Variants in CEP112 observed in about 807,000 individuals in gnomAD.
The protein encoded by CEP112 is centrosomal protein 112.
In CEP112, 127 loss-of-function variants were observed where a neutral mutation model predicts 153.0. The observed-to-expected ratio is 0.83, with a 90% CI of 0.72 to 0.96. The LOEUF (loss-of-function observed/expected upper bound fraction) is 0.96. Among genes scored for constraint, CEP112 ranks in the 40% least tolerant of loss-of-function variants. CEP112 has a pLI of 0.00. For synonymous variants in CEP112, 358 were observed against 374.4 expected, an observed-to-expected ratio of 0.96 and a Z score of 0.51; for missense variants, 1,089 against 1,101.2, an observed-to-expected ratio of 0.99 and a Z score of 0.16.
At chr17:66,104,831 AACCTTGAGGGATT>A (rs1297329290) in intron 6 of CEP112, among the ~76,000 whole-genome samples, 6 of 152,184 alleles carry the variant, frequency 3.9e-5, no homozygotes, top group African/African-American at 9.7e-5. Context: ...CAGCAAAAAT[AACCTTGAGGGATT>A]TGATCAACAC....
chr17:65,801,057 TTTTC>T (rs1012374356), intron 21 of CEP112, among the ~76,000 whole-genome samples: 1 of 152,096 alleles, frequency 6.6e-6, no homozygotes, highest in African/African-American at 2.4e-5. Flanking sequence ...GTTGTCTTCA[TTTTC>T]TTTCTTTCTG....
intron 21 of CEP112, among the ~76,000 whole-genome samples, chr17:65,811,693 A>T (rs1242639746): frequency 6.6e-6 from 1 of 152,236 alleles, no homozygotes; most frequent in Admixed American, 6.5e-5. Flanking sequence ...AGTTATAGCC[A>T]TGAAAGTGAA....
chr17:65,956,925 T>C (rs2062022669), intron 18 of CEP112, among the ~76,000 whole-genome samples: 1 of 152,172 alleles, frequency 6.6e-6, no homozygotes, highest in African/African-American at 2.4e-5. Flanking sequence ...ACAAACCCTA[T>C]ATGCACTATG....
chr17:65,840,089 A>T (rs1176420924), intron 21 of CEP112, among the ~76,000 whole-genome samples: 1 of 152,268 alleles, frequency 6.6e-6, no homozygotes, highest in East Asian at 1.9e-4. Context: ...CACACTACCC[A>T]TAACAATCTA....
At chr17:65,842,177 T>C (rs1166775684) in intron 21 of CEP112, among the ~76,000 whole-genome samples, 1 of 152,094 alleles carries the variant, frequency 6.6e-6, no homozygotes, top group Non-Finnish European at 1.5e-5. Context: ...ATGGTTCTAT[T>C]AGAATACTAA....
chr17:65,719,667 A>G (rs549518468), intron 23 of CEP112, among the ~76,000 whole-genome samples: 3 of 152,302 alleles, frequency 2.0e-5, no homozygotes, highest in Admixed American at 6.5e-5. Flanking sequence ...CCAAGATGGG[A>G]CCTGTAGGAA....
At chr17:66,096,210 C>A in intron 8 of CEP112, 41 bp downstream of exon 8, 1 of 1,365,316 alleles carries the variant, frequency 7.3e-7, no homozygotes, top group Non-Finnish European at 1.0e-6. Context: ...AATATTAAAA[C>A]TGTATTATCA....
intron 8 of CEP112, among the ~76,000 whole-genome samples, chr17:66,095,516 G>A (rs1402574951): frequency 6.6e-6 from 1 of 152,138 alleles, no homozygotes; most frequent in Non-Finnish European, 1.5e-5. Context: ...CAGGCGACAA[G>A]GAGTGGAGTT....
At chr17:65,842,846 A>T (rs2057572919) in intron 21 of CEP112, among the ~76,000 whole-genome samples, 1 of 152,176 alleles carries the variant, frequency 6.6e-6, no homozygotes, top group Non-Finnish European at 1.5e-5. Context: ...CAAAGTAACA[A>T]CAAAAGTCTT....
intron 21 of CEP112, among the ~76,000 whole-genome samples, chr17:65,816,485 T>G (rs917153335): frequency 2.0e-5 from 3 of 152,020 alleles, no homozygotes; most frequent in African/African-American, 7.2e-5. Context: ...GTATCATTCT[T>G]ATGCCATCTG....
At chr17:65,862,081 C>A (rs955454281) in intron 20 of CEP112, among the ~76,000 whole-genome samples, 1 of 152,182 alleles carries the variant, frequency 6.6e-6, no homozygotes, top group Non-Finnish European at 1.5e-5. Context: ...AAATGCAAAT[C>A]AGATTACCTA....
intron 19 of CEP112, among the ~76,000 whole-genome samples, chr17:65,920,385 ATATATATATATATATATATAAT>A (rs1257676075): frequency 1.0e-4 from 11 of 107,106 alleles, no homozygotes; most frequent in African/African-American, 3.8e-4. Context: ...ATATATATAT[ATATATATATATATATATATAAT>A]TATAATATAT....
intron 6 of CEP112, among the ~76,000 whole-genome samples, chr17:66,128,467 G>T (rs2069966846): frequency 6.6e-6 from 1 of 152,076 alleles, no homozygotes; most frequent in African/African-American, 2.4e-5. Flanking sequence ...ACCATTATTA[G>T]TAGGAAGTTT....
chr17:66,115,445 G>A (rs1171024022), intron 6 of CEP112, among the ~76,000 whole-genome samples: 1 of 152,134 alleles, frequency 6.6e-6, no homozygotes, highest in South Asian at 2.1e-4. Context: ...TCATCTACTG[G>A]GACAGTGCAT....
chr17:66,164,541 T>C (rs1457870971), intron 4 of CEP112, among the ~76,000 whole-genome samples: 4 of 82,780 alleles, frequency 4.8e-5, no homozygotes, highest in Non-Finnish European at 9.3e-5. Context: ...TGGGCGACAG[T>C]GCGAAACTCT....
intron 12 of CEP112, among the ~76,000 whole-genome samples, chr17:66,043,918 T>G (rs1185355908): frequency 2.0e-5 from 3 of 152,158 alleles, no homozygotes; most frequent in African/African-American, 7.2e-5. Context: ...GTCTTTCATC[T>G]TAAGCCAGGC....
At chr17:66,015,799 G>A (rs1188627346) in intron 16 of CEP112, among the ~76,000 whole-genome samples, 1 of 152,108 alleles carries the variant, frequency 6.6e-6, no homozygotes, top group Non-Finnish European at 1.5e-5. Flanking sequence ...CAGACCTTCT[G>A]AAAAGTTTTC....
chr17:66,057,365 G>C (rs917312660), intron 11 of CEP112, among the ~76,000 whole-genome samples: 7 of 152,196 alleles, frequency 4.6e-5, no homozygotes, highest in African/African-American at 1.4e-4. Context: ...ATCCCATAGA[G>C]AATACCCTAC....
intron 21 of CEP112, among the ~76,000 whole-genome samples, chr17:65,776,740 A>G (rs2053701775): frequency 6.6e-6 from 1 of 151,614 alleles, no homozygotes; most frequent in African/African-American, 2.4e-5. Flanking sequence ...CAGAAAGTGA[A>G]ATGACTAAGT....
Sources: allele counts gnomAD v4.1 joint callset (sites outside exome capture counted in the v4.1 genomes callset), GRCh38; gene constraint gnomAD v4.1.1; transcripts MANE v1.5; gene names NCBI Gene and HGNC (gene_info 2026-07-23, HGNC 2026-07-21).